The following TTC7A variants were observed in gnomAD, a reference collection of about 807,000 sequenced individuals.
TTC7A encodes the protein tetratricopeptide repeat protein 7A.
In TTC7A, 110 loss-of-function variants were observed where a neutral mutation model predicts 103.7. The ratio of observed to expected loss-of-function variants is 1.06; its 90% CI spans 0.91 to 1.24. The LOEUF (loss-of-function observed/expected upper bound fraction) is 1.24. Ranked by LOEUF, TTC7A falls within the 50% of genes most tolerant of loss-of-function variation. TTC7A has a pLI of 0.00. For synonymous variants in TTC7A, 521 were observed against 467.9 expected (o/e 1.11, Z -1.47); for missense variants, 1,340 against 1,116.3 (o/e 1.20, Z -2.86).
chr2:46,994,575 C>G, intron 7 of TTC7A, 61 bp downstream of exon 7: 2 of 1,550,718 alleles, frequency 1.3e-6, no homozygotes, highest in South Asian at 1.2e-5. Context: ...GGTTCTGTCC[C>G]CACTGGTGGC....
At chr2:46,998,115 T>A (rs932430177) in intron 8 of TTC7A, among the ~76,000 whole-genome samples, 1 of 151,994 alleles carries the variant, frequency 6.6e-6, no homozygotes, top group East Asian at 1.9e-4. Context: ...CCCTGTGGCA[T>A]AGGAAACAGA....
intron 3 of TTC7A, among the ~76,000 whole-genome samples, chr2:46,958,048 G>A (rs959943617): frequency 2.6e-5 from 4 of 152,124 alleles, no homozygotes; most frequent in African/African-American, 9.7e-5. Context: ...CTCTGACTCT[G>A]GCCTTGGAGT....
chr2:47,065,053 C>G (rs192811254), intron 19 of TTC7A, among the ~76,000 whole-genome samples: 1 of 152,144 alleles, frequency 6.6e-6, no homozygotes, highest in South Asian at 2.1e-4. Context: ...TTTGGGAGGC[C>G]GAGGCGGGCG....
At chr2:46,928,994 C>G (rs1362984370) in intron 2 of TTC7A, among the ~76,000 whole-genome samples, 1 of 151,546 alleles carries the variant, frequency 6.6e-6, no homozygotes, top group Non-Finnish European at 1.5e-5. Flanking sequence ...AAAACTCTGT[C>G]TCTACTAAAA....
chr2:46,947,003 G>C (rs141756190), intron 1 of TTC7A, among the ~76,000 whole-genome samples: 3 of 152,174 alleles, frequency 2.0e-5, no homozygotes, highest in Admixed American at 2.0e-4. Flanking sequence ...AGGACCTGAA[G>C]TGTCAATCAA....
intron 8 of TTC7A, 111 bp downstream of exon 8, chr2:46,995,310 G>A (rs1676072282): frequency 2.8e-6 from 3 of 1,054,200 alleles, no homozygotes; most frequent in Non-Finnish European, 4.3e-6. Context: ...GTCTCCCAGG[G>A]ATACTCCTAA....
chr2:46,921,571 T>C (rs1669104108), intron 2 of TTC7A, among the ~76,000 whole-genome samples: 1 of 152,350 alleles, frequency 6.6e-6, no homozygotes, highest in Middle Eastern at 3.4e-3. Context: ...ACAATAGTTA[T>C]CTTCATGCAA....
At chr2:47,064,416 C>G (rs1352024180) in intron 19 of TTC7A, among the ~76,000 whole-genome samples, 1 of 152,238 alleles carries the variant, frequency 6.6e-6, no homozygotes, top group Non-Finnish European at 1.5e-5. Context: ...GCAGAAAATT[C>G]TAGCCAAGAA....
chr2:47,018,550 C>G (rs1049099221), intron 11 of TTC7A, among the ~76,000 whole-genome samples: 8 of 143,020 alleles, frequency 5.6e-5, no homozygotes, highest in Non-Finnish European at 1.2e-4. Context: ...TGCCACTGCA[C>G]GCCAGCTTGG....
intron 1 of TTC7A, among the ~76,000 whole-genome samples, chr2:46,916,841 GC>G (rs1668821527): frequency 6.6e-6 from 1 of 151,730 alleles, no homozygotes; most frequent in Non-Finnish European, 1.5e-5. Context: ...CACCGTGTTG[GC>G]CAGGCTGGTC....
At chr2:46,983,575 C>T (rs1054939579) in intron 5 of TTC7A, among the ~76,000 whole-genome samples, 1 of 152,214 alleles carries the variant, frequency 6.6e-6, no homozygotes, top group Non-Finnish European at 1.5e-5. Flanking sequence ...TTGGGAGGAG[C>T]AGGGGTCACC....
rs762091132 is a variant in TTC7A, at chr2:47,023,466, G to A, written c.1568+1G>A. 4 of 1,614,142 alleles carry A rather than the reference G, an allele frequency of 2.5e-6. No homozygotes were observed. Among genetic ancestry groups the A allele is most frequent in the African/African-American group, 1.3e-5 (1 of 75,046 alleles). ...GGAAGGCACTGCAGACGCTGGAGAG[G>A]TGAGGAGGCTCCCACCTGCAGCAGA... On this transcript the variant is annotated splice_donor_variant, in intron 13 of 19. Transcript: ENST00000319190. LOFTEE classifies it high-confidence loss of function.
At chr2:47,070,047 T>A in intron 19 of TTC7A, among the ~76,000 whole-genome samples, 1 of 111,062 alleles carries the variant, frequency 9.0e-6, no homozygotes, top group Non-Finnish European at 1.8e-5. Flanking sequence ...GCGCCAAGGC[T>A]GCTTCCCAGG....
At chr2:46,998,697 G>C (rs1676478205) in intron 8 of TTC7A, among the ~76,000 whole-genome samples, 1 of 152,176 alleles carries the variant, frequency 6.6e-6, no homozygotes, top group Admixed American at 6.5e-5. Flanking sequence ...CATCATCATT[G>C]CTTCCACCTC....
chr2:47,046,414 C>T lies in TTC7A; in HGVS notation c.1902C>T (p.Tyr634=), dbSNP rs1307759639. 3 of 1,614,066 alleles carry T rather than the reference C, an allele frequency of 1.9e-6. No homozygotes were observed. The highest frequency in any genetic ancestry group is 2.7e-5 in the African/African-American group (2 of 75,052). Residue 634 remains tyrosine (Y), a synonymous_variant, in exon 16 of 20, where the codon TAC becomes TAT. Transcript: ENST00000319190. ...TGCTGAGGCTGTGGCAGACCCTGTA[C>T]AGCTTCTCCCAGCTGGGGTGAGTGG... ...RQVLRLWQTL[Y]SFSQLGGLEK...
chr2:46,949,226 C>T (rs1230022823), intron 1 of TTC7A, among the ~76,000 whole-genome samples: 1 of 152,110 alleles, frequency 6.6e-6, no homozygotes, highest in Non-Finnish European at 1.5e-5. Context: ...ATAAACCAAG[C>T]AGTATATTAT....
chr2:47,065,576 T>C (rs1490220748), intron 19 of TTC7A, among the ~76,000 whole-genome samples: 1 of 152,216 alleles, frequency 6.6e-6, no homozygotes, highest in Admixed American at 6.5e-5. Flanking sequence ...AACACCCTTA[T>C]AAATTTATAT....
At position 47,068,629 on chromosome 2, in the gene TTC7A, C is replaced by T. The variant is rs573003888; in HGVS notation, c.2356-5073C>T. The T allele has an allele frequency of 4.0e-5, 6 of 151,822 alleles. 1 individual carries two copies. In the East Asian group the frequency reaches 1.2e-3, roughly 30 times the overall value. The allele number at this position is 151,822 out of a possible 1,614,324, so 9.4% of individuals were successfully genotyped here. On this transcript the variant is annotated intron_variant, in intron 19 of 19. Transcript: ENST00000319190. Reference sequence around the variant, plus strand: ...TGGTGTGGGGGGTATGAGGGTGTGTCCCCCAGCACCTGCTCAGTGGGGATC... The same window carrying T: ...TGGTGTGGGGGGTATGAGGGTGTGTTCCCCAGCACCTGCTCAGTGGGGATC...
intron 5 of TTC7A, among the ~76,000 whole-genome samples, chr2:46,984,579 C>G (rs1164858446): frequency 6.6e-6 from 1 of 152,214 alleles, no homozygotes; most frequent in Non-Finnish European, 1.5e-5. Flanking sequence ...CTGCCTGCTC[C>G]CCTTCCCCAC....
Sources: allele counts gnomAD v4.1 joint callset (sites outside exome capture counted in the v4.1 genomes callset), GRCh38; gene constraint gnomAD v4.1.1; transcripts MANE v1.5; gene names NCBI Gene and HGNC (gene_info 2026-07-23, HGNC 2026-07-21).